Variants in ZFAT observed in about 807,000 individuals in gnomAD.
ZFAT encodes the protein zinc finger and AT-hook domain containing.
In ZFAT, 64 loss-of-function variants were observed where a neutral mutation model predicts 117.7. The ratio of observed to expected loss-of-function variants is 0.54; its 90% CI spans 0.44 to 0.67. ZFAT has a LOEUF of 0.67. ZFAT is among the 30% of genes least tolerant of loss of function. The pLI is 0.00. For missense variants in ZFAT, 1,433 were observed against 1,584.5 expected (o/e 0.90, Z 1.62); for synonymous variants, 679 against 615.0 (o/e 1.10, Z -1.54).
intron 1 of ZFAT, among the ~76,000 whole-genome samples, chr8:134,680,364 T>A (rs1188399031): frequency 6.6e-6 from 1 of 152,122 alleles, no homozygotes; most frequent in Non-Finnish European, 1.5e-5. Context: ...ATAATTGGAT[T>A]TTCTGGCTTT....
intron 15 of ZFAT, among the ~76,000 whole-genome samples, chr8:134,490,969 C>T (rs144441068): frequency 3.9e-5 from 6 of 152,314 alleles, no homozygotes; most frequent in South Asian, 2.1e-4. Flanking sequence ...GCGGCAGAAC[C>T]CTCCATCCCT....
In ZFAT at chr8:134,601,991, C is replaced by T. The variant is rs763581930; in HGVS notation, c.1728G>A (p.Glu576=). ...QAESTALPPC[E]LETTVVSSSD... ...AGGAGGAGACCACGGTGGTTTCCAG[C>T]TCACAGGGTGGCAGGGCTGTGCTTT... The change falls in exon 6 of 16, where the codon GAG becomes GAA. Residue 576 remains glutamate, a synonymous_variant. Transcript: ENST00000377838. The T allele has an allele frequency of 6.2e-7, 1 of 1,613,558 alleles. No individual in the cohort carries two copies. Among genetic ancestry groups the T allele is most frequent in the Non-Finnish European group, 8.5e-7 (1 of 1,179,896 alleles).
At chr8:134,567,805 C>T (rs1458211832) in intron 10 of ZFAT, among the ~76,000 whole-genome samples, 1 of 152,210 alleles carries the variant, frequency 6.6e-6, no homozygotes, top group Non-Finnish European at 1.5e-5. Context: ...TCTCAGACCC[C>T]TGAGCCTTTG....
intron 11 of ZFAT, among the ~76,000 whole-genome samples, chr8:134,544,566 A>G (rs1822550440): frequency 6.6e-6 from 1 of 152,184 alleles, no homozygotes; most frequent in African/African-American, 2.4e-5. Flanking sequence ...CACACTTAAA[A>G]GAGATAAAGA....
chr8:134,611,472 A>G (rs531164123), intron 3 of ZFAT, among the ~76,000 whole-genome samples: 221 of 152,224 alleles, frequency 1.5e-3, no homozygotes, highest in Non-Finnish European at 2.8e-3. Flanking sequence ...AGGGCGTCAG[A>G]GCTGGGCCCT....
the ZFAT span, among the ~76,000 whole-genome samples, chr8:134,804,097 T>C: frequency 6.6e-6 from 1 of 152,188 alleles, no homozygotes; most frequent in Non-Finnish European, 1.5e-5. Flanking sequence ...TTATACATTA[T>C]CAATTAGTCC....
chr8:134,796,428 A>G, the ZFAT span: 3 of 152,220 alleles, frequency 2.0e-5, no homozygotes, highest in Non-Finnish European at 4.4e-5. Flanking sequence ...TGCAGTAAAG[A>G]ACTGCTGGTT....
At chr8:134,679,776 A>G (rs1832977452) in intron 1 of ZFAT, among the ~76,000 whole-genome samples, 2 of 152,346 alleles carry the variant, frequency 1.3e-5, no homozygotes, top group African/African-American at 4.8e-5. Flanking sequence ...GGATGAGTTC[A>G]TGTCCTTTGC....
chr8:134,630,637 T>C, intron 3 of ZFAT, among the ~76,000 whole-genome samples: 1 of 152,192 alleles, frequency 6.6e-6, no homozygotes. Flanking sequence ...GAAGTCACTT[T>C]TATAAATTTG....
At chr8:134,550,612 T>A (rs1823089566) in intron 11 of ZFAT, among the ~76,000 whole-genome samples, 1 of 152,176 alleles carries the variant, frequency 6.6e-6, no homozygotes, top group Non-Finnish European at 1.5e-5. Context: ...ATCGCTTGTG[T>A]CAAAAATGCA....
rs115681730 is a variant in ZFAT, at chr8:134,610,715, G to A, written c.449-60C>T. 1.1e-3 allele frequency: 1,786 copies of A among 1,570,498 alleles called. 16 individuals are homozygous for A. In the African/African-American group the frequency reaches 0.022, roughly 19 times the overall value. On this transcript the variant is annotated intron_variant, in intron 3 of 15. Coordinates refer to ENST00000377838, the MANE Select transcript of ZFAT (RefSeq NM_020863.4). ...TTTTATATCAGTGGCAGAGTTGGAG[G>A]GTAAACACTACTCTTTCACGGGACA... is the stretch of plus-strand genomic sequence containing the variant.
intron 2 of ZFAT, among the ~76,000 whole-genome samples, chr8:134,651,914 T>C (rs1003952740): frequency 5.3e-5 from 8 of 151,682 alleles, no homozygotes; most frequent in Non-Finnish European, 1.2e-4. Context: ...ACAGCTGGCA[T>C]CCTAACAACA....
At chr8:134,605,552 T>TAA (rs1827822654) in intron 5 of ZFAT, among the ~76,000 whole-genome samples, 1 of 118,786 alleles carries the variant, frequency 8.4e-6, no homozygotes, top group Admixed American at 8.6e-5. Flanking sequence ...AGACCCCATC[T>TAA]CAAAAAAAAA....
At chr8:134,586,467 G>A (rs934456198) in intron 9 of ZFAT, among the ~76,000 whole-genome samples, 1 of 152,206 alleles carries the variant, frequency 6.6e-6, no homozygotes, top group African/African-American at 2.4e-5. Flanking sequence ...TACATGGTGA[G>A]GGTGGGATTT....
intron 1 of ZFAT, among the ~76,000 whole-genome samples, chr8:134,665,542 C>T (rs1832170200): frequency 6.6e-6 from 1 of 152,206 alleles, no homozygotes; most frequent in African/African-American, 2.4e-5. Flanking sequence ...ATGGGGTCCC[C>T]CAGCCCTTAC....
intron 1 of ZFAT, among the ~76,000 whole-genome samples, chr8:134,695,570 C>T (rs1251526906): frequency 6.6e-6 from 1 of 150,770 alleles, no homozygotes; most frequent in Non-Finnish European, 1.5e-5. Context: ...CACCCCCAGG[C>T]CCAGGCGGCA....
At chr8:134,494,231 A>T (rs1321744956) in intron 15 of ZFAT, among the ~76,000 whole-genome samples, 1 of 151,734 alleles carries the variant, frequency 6.6e-6, no homozygotes, top group Non-Finnish European at 1.5e-5. Flanking sequence ...GCTTTTTCTC[A>T]CCCAAGTCCC....
chr8:134,772,767 A>G, the ZFAT span, among the ~76,000 whole-genome samples: 6 of 152,186 alleles, frequency 3.9e-5, no homozygotes, highest in Non-Finnish European at 8.8e-5. Context: ...GCCTGGCTTC[A>G]AAGCTTCAAA....
In ZFAT at chr8:134,610,464, A is replaced by G. The variant is rs770795406; in HGVS notation, c.634+6T>C. 3.1e-6 allele frequency: 5 copies of G among 1,611,744 alleles called. No individual in the cohort carries two copies. In the Admixed American group the frequency reaches 8.4e-5, roughly 27 times the overall value. The stretch of plus-strand genomic sequence containing the variant: ...TGCCTTTTCCTTTCCCGCTTGGTGC[A>G]GTCACCTGGAATTGCTTCGTGTGCA... On this transcript the variant is annotated splice_donor_region_variant and intron_variant, in intron 4 of 15. Transcript: ENST00000377838.
Sources: gnomAD v4.1 joint callset for allele counts (sites outside exome capture counted in the v4.1 genomes callset) on GRCh38, gnomAD v4.1.1 for gene constraint, MANE v1.5 for transcripts, NCBI Gene and HGNC (gene_info 2026-07-23, HGNC 2026-07-21) for gene names.